The following FOXO1 variants were observed in gnomAD, a reference collection of about 807,000 sequenced individuals.
FOXO1 encodes forkhead box O1, also known as forkhead box protein O1.
In FOXO1, 6 loss-of-function variants were observed where a neutral mutation model predicts 44.1. That is an observed-to-expected ratio of 0.14 (90% CI 0.07 to 0.27). FOXO1 has a LOEUF of 0.27. Among genes scored for constraint, FOXO1 ranks in the 10% least tolerant of loss-of-function variants. FOXO1 has a pLI of 1.00. For missense variants in FOXO1, 737 were observed against 888.8 expected, an observed-to-expected ratio of 0.83 and a Z score of 2.17; for synonymous variants, 380 against 362.7, an observed-to-expected ratio of 1.05 and a Z score of -0.54.
At chr13:40,602,033 C>T (rs1875831836) in intron 1 of FOXO1, among the ~76,000 whole-genome samples, 1 of 152,134 alleles carries the variant, frequency 6.6e-6, no homozygotes, top group Non-Finnish European at 1.5e-5. Flanking sequence ...TAGAAAGATT[C>T]ATGTAAACCT....
At chr13:40,620,470 T>G in intron 1 of FOXO1, 1 of 595,170 alleles carries the variant, frequency 1.7e-6, no homozygotes, top group Non-Finnish European at 3.1e-6. Context: ...CGGTCAATCT[T>G]AAGGCAGATT....
At chr13:40,586,089 T>C (rs933453888) in intron 1 of FOXO1, among the ~76,000 whole-genome samples, 1 of 152,202 alleles carries the variant, frequency 6.6e-6, no homozygotes, top group African/African-American at 2.4e-5. Context: ...TGAAAGAATG[T>C]GGGAAAGCCC....
Position 40,629,756 on chromosome 13 carries a change from T to G in FOXO1, c.630+35827A>C, listed in dbSNP as rs1876901021. 2.0e-5 allele frequency among the ~76,000 whole-genome samples: 3 copies of G among 152,324 alleles called. No homozygotes were observed. The South Asian group carries it at 6.2e-4, about 32-fold the overall frequency. ...TATGGACATAAGACCCATCCACCAATGGCCCTTGCTTCACATGCTCAGTGG... is the reference window on the plus strand; with the variant it reads ...TATGGACATAAGACCCATCCACCAAGGGCCCTTGCTTCACATGCTCAGTGG... On this transcript the variant is annotated intron_variant, in intron 1 of 2. Transcript: ENST00000379561.
chr13:40,590,728 C>T lies in FOXO1; in HGVS notation c.631-29868G>A, dbSNP rs989947620. 5.9e-5 allele frequency among the ~76,000 whole-genome samples: 9 copies of T among 152,162 alleles called. No homozygotes were observed. The South Asian group carries it at 6.2e-4, about 11-fold the overall frequency. On this transcript the variant is annotated intron_variant, in intron 1 of 2. Transcript: ENST00000379561. ...TCGTTCCAGTTTCAATAACATACCA[C>T]GCTGGACTAATGCCTTCTGTGTGGC...
chr13:40,576,909 C>T (rs1182454159), intron 1 of FOXO1, among the ~76,000 whole-genome samples: 1 of 152,098 alleles, frequency 6.6e-6, no homozygotes, highest in Non-Finnish European at 1.5e-5. Flanking sequence ...TATTTTTGTT[C>T]CTTGATGTCA....
intron 1 of FOXO1, among the ~76,000 whole-genome samples, chr13:40,599,105 G>C (rs1317162454): frequency 1.4e-5 from 2 of 145,134 alleles, no homozygotes; most frequent in African/African-American, 5.1e-5. Flanking sequence ...TATTTCTATT[G>C]ATCAAAAATT....
At chr13:40,569,965 T>G (rs1441543998) in intron 1 of FOXO1, among the ~76,000 whole-genome samples, 1 of 151,958 alleles carries the variant, frequency 6.6e-6, no homozygotes, top group Non-Finnish European at 1.5e-5. Context: ...CTTTCTCATC[T>G]CTTCACAAAC....
chr13:40,645,483 C>A (rs1877481359), intron 1 of FOXO1, among the ~76,000 whole-genome samples: 2 of 152,140 alleles, frequency 1.3e-5, no homozygotes, highest in Non-Finnish European at 2.9e-5. Context: ...TGTATCATCA[C>A]CACCTGCAAA....
chr13:40,565,719 T>C (rs1270682422), intron 1 of FOXO1, among the ~76,000 whole-genome samples: 1 of 152,218 alleles, frequency 6.6e-6, no homozygotes, highest in Non-Finnish European at 1.5e-5. Flanking sequence ...AAAGATTAAA[T>C]GAGATAGTAT....
chr13:40,619,127 G>A (rs1316926646), intron 1 of FOXO1: 1 of 357,160 alleles, frequency 2.8e-6, no homozygotes, highest in Non-Finnish European at 5.4e-6. Flanking sequence ...CTACTAAACA[G>A]ATATAAAAAA....
At chr13:40,596,882 A>G (rs1875597535) in intron 1 of FOXO1, among the ~76,000 whole-genome samples, 1 of 152,102 alleles carries the variant, frequency 6.6e-6, no homozygotes, top group Non-Finnish European at 1.5e-5. Flanking sequence ...GTGCCATCTC[A>G]TCACTGATCC....
chr13:40,649,732 C>T (rs1877618544), intron 1 of FOXO1, among the ~76,000 whole-genome samples: 1 of 152,178 alleles, frequency 6.6e-6, no homozygotes, highest in African/African-American at 2.4e-5. Context: ...AATTGACTCA[C>T]TTCAAACATA....
chr13:40,616,325 C>T (rs1876422445), intron 1 of FOXO1, among the ~76,000 whole-genome samples: 1 of 151,828 alleles, frequency 6.6e-6, no homozygotes, highest in African/African-American at 2.4e-5. Context: ...CACACCCTGG[C>T]ACACAACAAA....
intron 1 of FOXO1, among the ~76,000 whole-genome samples, chr13:40,589,718 T>C (rs763782170): frequency 5.9e-5 from 9 of 152,204 alleles, no homozygotes; most frequent in Non-Finnish European, 1.0e-4. Context: ...CCACAGTAAC[T>C]TTCTGGAAGT....
At chr13:40,590,212 AAACAAGAAACCTATTCTCCAAG>A (rs1215615130) in intron 1 of FOXO1, among the ~76,000 whole-genome samples, 1 of 152,218 alleles carries the variant, frequency 6.6e-6, no homozygotes, top group Non-Finnish European at 1.5e-5. Flanking sequence ...CCATTCAGAT[AAACAAGAAACCTATTCTCCAAG>A]AACAAGGAAT....
Position 40,587,845 on chromosome 13 carries a change from C to T in FOXO1, c.631-26985G>A, listed in dbSNP as rs77211445. 8.3e-3 allele frequency among the ~76,000 whole-genome samples: 1,264 copies of T among 152,332 alleles called. 20 individuals carry two copies. The highest frequency in any genetic ancestry group is 0.029 in the African/African-American group (1,218 of 41,584). On this transcript the variant is annotated intron_variant, in intron 1 of 2. Transcript: ENST00000379561. ...TTCAGTGTTCACAGTAGCCTCTCCC[C>T]ACCTTTTAAAAGGGCCAGAGGGTTG...
chr13:40,649,782 T>C (rs2137931772), intron 1 of FOXO1, among the ~76,000 whole-genome samples: 1 of 152,338 alleles, frequency 6.6e-6, no homozygotes, highest in South Asian at 2.1e-4. Flanking sequence ...CACCATAAAT[T>C]ATGAGCTCCA....
chr13:40,615,864 G>A (rs969841205), intron 1 of FOXO1, among the ~76,000 whole-genome samples: 12 of 152,226 alleles, frequency 7.9e-5, no homozygotes, highest in African/African-American at 2.4e-4. Context: ...AAAGAGCCTT[G>A]CAGTCTGCTG....
intron 1 of FOXO1, among the ~76,000 whole-genome samples, chr13:40,637,715 T>A (rs1385993533): frequency 6.6e-6 from 1 of 152,186 alleles, no homozygotes; most frequent in African/African-American, 2.4e-5. Context: ...CTATTTACAT[T>A]CTTCACACGA....
Sources: gnomAD v4.1 joint callset for allele counts (sites outside exome capture counted in the v4.1 genomes callset) on GRCh38, gnomAD v4.1.1 for gene constraint, MANE v1.5 for transcripts, NCBI Gene and HGNC (gene_info 2026-07-23, HGNC 2026-07-21) for gene names.